Variants in ADCY9 observed in about 807,000 individuals in gnomAD.
ADCY9 encodes the protein adenylate cyclase 9, also known as adenylate cyclase type 9.
ADCY9 carries 50 observed loss-of-function variants against 101.5 expected under a neutral mutation model. The observed-to-expected ratio is 0.49, with a 90% confidence interval of 0.39 to 0.62. The LOEUF (loss-of-function observed/expected upper bound fraction) is 0.62, where lower values mean the gene tolerates loss of function less well. Ranked by LOEUF, ADCY9 falls within the 20% of genes least tolerant of loss-of-function variation. The pLI is 0.00. For missense variants in ADCY9, 1,662 were observed against 1,800.4 expected (o/e 0.92, Z 1.39); for synonymous variants, 905 against 769.3 (o/e 1.18, Z -2.92).
At chr16:4,013,666 G>A (rs563994950) in intron 2 of ADCY9, among the ~76,000 whole-genome samples, 6 of 152,220 alleles carry the variant, frequency 3.9e-5, no homozygotes, top group African/African-American at 1.2e-4. Context: ...CTCACGACTA[G>A]GTCGGAAACG....
At chr16:3,981,537 G>A (rs1466493439) in intron 7 of ADCY9, among the ~76,000 whole-genome samples, 1 of 20,466 alleles carries the variant, frequency 4.9e-5, no homozygotes, top group Non-Finnish European at 2.9e-4. Flanking sequence ...AAAAATCACT[G>A]AGTTGTCCAC....
At chr16:4,014,006 A>C (rs940222912) in intron 2 of ADCY9, among the ~76,000 whole-genome samples, 1 of 152,150 alleles carries the variant, frequency 6.6e-6, no homozygotes, top group East Asian at 1.9e-4. Flanking sequence ...TGCTGGTGAA[A>C]CTTAACCTCT....
chr16:4,027,648 G>A (rs1034731086), intron 2 of ADCY9, among the ~76,000 whole-genome samples: 8 of 152,100 alleles, frequency 5.3e-5, no homozygotes, highest in Admixed American at 4.6e-4. Context: ...AGGCCGAGGT[G>A]GGCATATCAC....
At chr16:4,000,182 G>T (rs547886373) in intron 3 of ADCY9, among the ~76,000 whole-genome samples, 1 of 152,362 alleles carries the variant, frequency 6.6e-6, no homozygotes, top group South Asian at 2.1e-4. Context: ...ATTTCCTGAG[G>T]TGTTCTTTGA....
At chr16:4,059,827 G>C (rs72762799) in intron 2 of ADCY9, among the ~76,000 whole-genome samples, 16,846 of 152,276 alleles carry the variant, frequency 0.11, 1,310 homozygotes, top group Non-Finnish European at 0.16. Context: ...GAGCCTGGGA[G>C]CTTGAGGTTA....
intron 2 of ADCY9, among the ~76,000 whole-genome samples, chr16:4,014,284 A>C (rs1209875856): frequency 2.0e-5 from 3 of 149,668 alleles, no homozygotes; most frequent in Non-Finnish European, 4.4e-5. Flanking sequence ...GCACCATTGC[A>C]CTCCAGCCTG....
At chr16:4,041,133 A>G (rs12927926) in intron 2 of ADCY9, among the ~76,000 whole-genome samples, 130,133 of 152,158 alleles carry the variant, frequency 0.86, 56,008 homozygotes, top group South Asian at 0.97. Context: ...GAAATGGCAT[A>G]TTCTAGAAAT....
At chr16:4,086,692 C>A (rs2056940955) in intron 2 of ADCY9, among the ~76,000 whole-genome samples, 1 of 151,756 alleles carries the variant, frequency 6.6e-6, no homozygotes, top group South Asian at 2.1e-4. Context: ...CAGGGTCTTA[C>A]TCTGTCACCC....
chr16:3,974,471 AAACT>A, intron 10 of ADCY9, among the ~76,000 whole-genome samples, 194 bp downstream of exon 10: 1 of 152,224 alleles, frequency 6.6e-6, no homozygotes, highest in East Asian at 1.9e-4. Context: ...TAAAATAATA[AAACT>A]AATTTTATTT....
At chr16:4,052,353 G>A (rs1476098446) in intron 2 of ADCY9, among the ~76,000 whole-genome samples, 1 of 152,174 alleles carries the variant, frequency 6.6e-6, no homozygotes, top group Non-Finnish European at 1.5e-5. Context: ...GGGCAGGTCG[G>A]TGCAGGCTAT....
rs867112942 is a variant in ADCY9 at position 4,027,485 on chromosome 16, G to A, written c.1694-19927C>T. The stretch of plus-strand genomic sequence containing the variant: ...GCTTGCAGTTCCCCATGGCTAGGGA[G>A]GCCTCACAATCATGGCAGAGGGCAA... On this transcript the variant is annotated intron_variant, in intron 2 of 10. Transcript: ENST00000294016. Among the ~76,000 whole-genome samples, 167 of 152,328 alleles carry A rather than the reference G, an allele frequency of 1.1e-3. 1 individual carries two copies. The highest frequency in any genetic ancestry group is 3.9e-3 in the African/African-American group (161 of 41,582).
intron 2 of ADCY9, among the ~76,000 whole-genome samples, chr16:4,081,897 A>G (rs6500579): frequency 0.54 from 74,097 of 137,524 alleles, 20,169 homozygotes; most frequent in African/African-American, 0.61. Context: ...GTCTTGGAGA[A>G]GGGAGGGGTG....
chr16:3,969,943 T>C (rs932425774), intron 10 of ADCY9, among the ~76,000 whole-genome samples: 5 of 151,976 alleles, frequency 3.3e-5, no homozygotes, highest in Non-Finnish European at 5.9e-5. Flanking sequence ...TAGAAAAAAA[T>C]AGACAAAAAA....
chr16:4,005,757 AAC>A (rs1340066464), intron 3 of ADCY9, among the ~76,000 whole-genome samples: 1 of 152,220 alleles, frequency 6.6e-6, no homozygotes. Context: ...AACGGACAGA[AAC>A]ACACATATGT....
intron 3 of ADCY9, among the ~76,000 whole-genome samples, chr16:4,005,436 C>T (rs887681641): frequency 4.6e-5 from 7 of 152,150 alleles, no homozygotes; most frequent in African/African-American, 1.7e-4. Context: ...GCTACGATGA[C>T]CAGGCTGGTC....
chr16:4,046,472 A>C (rs553820888), intron 2 of ADCY9, among the ~76,000 whole-genome samples: 2 of 152,234 alleles, frequency 1.3e-5, no homozygotes, highest in Non-Finnish European at 2.9e-5. Flanking sequence ...CTGATGACAA[A>C]TGCAGAACCA....
chr16:4,054,557 G>A (rs1224729666), intron 2 of ADCY9, among the ~76,000 whole-genome samples: 1 of 151,896 alleles, frequency 6.6e-6, no homozygotes, highest in African/African-American at 2.4e-5. Flanking sequence ...GTATGGCTCT[G>A]ATTAAATGGA....
chr16:4,092,039 C>A (rs890871457), intron 2 of ADCY9, among the ~76,000 whole-genome samples: 3 of 152,220 alleles, frequency 2.0e-5, no homozygotes, highest in African/African-American at 7.2e-5. Flanking sequence ...GAGGCCGAGG[C>A]GGGCAGATCA....
At chr16:4,012,128 T>C (rs1055202454) in intron 2 of ADCY9, among the ~76,000 whole-genome samples, 1 of 152,230 alleles carries the variant, frequency 6.6e-6, no homozygotes, top group Non-Finnish European at 1.5e-5. Context: ...CAACCCATAG[T>C]GATAACATGA....
Sources: gnomAD v4.1 joint callset for allele counts (sites outside exome capture counted in the v4.1 genomes callset) on GRCh38, gnomAD v4.1.1 for gene constraint, MANE v1.5 for transcripts, NCBI Gene and HGNC (gene_info 2026-07-23, HGNC 2026-07-21) for gene names.